ZHX2: variants seen among roughly 807,000 people sequenced by gnomAD.
ZHX2 encodes the protein zinc fingers and homeoboxes 2.
In ZHX2, 6 loss-of-function variants were observed where a neutral mutation model predicts 21.9. The ratio of observed to expected loss-of-function variants is 0.27; its 90% CI spans 0.15 to 0.54. The LOEUF is 0.54. Among genes scored for constraint, ZHX2 ranks in the 20% least tolerant of loss-of-function variants. The pLI, the probability that ZHX2 is intolerant of heterozygous loss-of-function variation, is 0.95. For missense variants in ZHX2, 908 were observed against 1,090.7 expected, an observed-to-expected ratio of 0.83 and a Z score of 2.36; for synonymous variants, 434 against 437.1, an observed-to-expected ratio of 0.99 and a Z score of 0.09.
At chr8:122,791,761 A>G (rs1214291140) in intron 1 of ZHX2, among the ~76,000 whole-genome samples, 1 of 151,894 alleles carries the variant, frequency 6.6e-6, no homozygotes, top group African/African-American at 2.4e-5. Flanking sequence ...GCTACTTGGG[A>G]GGCTGAGGCA....
upstream of ZHX2, chr8:122,780,575 G>A (rs1817256690): frequency 1.3e-5 from 2 of 152,262 alleles, no homozygotes; most frequent in Admixed American, 1.3e-4. Context: ...GAGCTCTTTA[G>A]CCGAGCACTG....
intron 2 of ZHX2, among the ~76,000 whole-genome samples, chr8:122,870,967 A>G (rs998172327): frequency 1.3e-5 from 2 of 152,226 alleles, no homozygotes; most frequent in African/African-American, 4.8e-5. Context: ...GGACAAAAGC[A>G]GAAAAAGTGG....
chr8:122,952,498 C>T lies in ZHX2; in HGVS notation c.988C>T (p.Arg330Trp). 1.2e-6 allele frequency: 2 copies of T among 1,614,090 alleles called. No homozygotes were observed. The highest frequency in any genetic ancestry group is 8.5e-7 in the Non-Finnish European group (1 of 1,180,010). ...GTCCCCAGAAGAGGTGGAGGAGGCCCGGAAGAAGATGTTCAACGGCACCAT... is the reference window on the plus strand; with the variant it reads ...GTCCCCAGAAGAGGTGGAGGAGGCCTGGAAGAAGATGTTCAACGGCACCAT... Reference protein sequence around the residue: ...SWSPEEVEEARKKMFNGTIQS... With the variant: ...SWSPEEVEEAWKKMFNGTIQS... The change falls in exon 3 of 4, where the codon CGG becomes TGG. Residue 330 changes from arginine to tryptophan, a missense_variant. This residue lies in a region of ZHX2 where 232 missense variants were observed against 361.8 expected (regional missense o/e 0.64). Transcript: ENST00000314393. This position sits in a 1 kb window ranked among gnomAD's most constrained non-coding sequence, Gnocchi z 6.9.
At chr8:122,958,249 C>T (rs1332344773) in intron 3 of ZHX2, among the ~76,000 whole-genome samples, 1 of 152,212 alleles carries the variant, frequency 6.6e-6, no homozygotes, top group Non-Finnish European at 1.5e-5. Flanking sequence ...AGGTTAGACA[C>T]AAAGATAAGG....
At chr8:122,874,196 A>G (rs982979004) in intron 2 of ZHX2, among the ~76,000 whole-genome samples, 2 of 152,154 alleles carry the variant, frequency 1.3e-5, no homozygotes, top group Non-Finnish European at 2.9e-5. Context: ...CCTCTTTGCC[A>G]TTTAACATAA....
chr8:122,821,371 G>A (rs1447308173), intron 1 of ZHX2, among the ~76,000 whole-genome samples: 1 of 152,176 alleles, frequency 6.6e-6, no homozygotes, highest in Non-Finnish European at 1.5e-5. Context: ...TCTGTGAGCA[G>A]GCTAAGCTAT....
chr8:122,955,751 A>C lies in ZHX2; in HGVS notation c.*4+1723A>C, dbSNP rs566861415. Among the ~76,000 whole-genome samples, 141 of 149,896 alleles carry C rather than the reference A, an allele frequency of 9.4e-4. 1 individual carries two copies. Among genetic ancestry groups the C allele is most frequent in the African/African-American group, 3.4e-3 (136 of 40,402 alleles). ...GAGGTCACAATGACAGCAACTTCCC[A>C]CCTCTACCTGGCCACCTCTGGCCAT... On this transcript the variant is annotated intron_variant, in intron 3 of 3. Coordinates refer to ENST00000314393, the MANE Select transcript of ZHX2 (RefSeq NM_014943.5).
intron 2 of ZHX2, among the ~76,000 whole-genome samples, chr8:122,905,908 G>A (rs1186367237): frequency 1.3e-5 from 2 of 152,194 alleles, no homozygotes; most frequent in East Asian, 3.9e-4. Flanking sequence ...GAAATGCTAG[G>A]CCACCCAGCT....
rs958461135 is a variant in ZHX2 at position 122,828,924 on chromosome 8, T to G, written c.-282-34553T>G. Among the ~76,000 whole-genome samples the G allele has an allele frequency of 2.0e-4, 31 of 152,172 alleles. No individual in the cohort carries two copies. Among genetic ancestry groups the G allele is most frequent in the African/African-American group, 7.0e-4 (29 of 41,442 alleles). On this transcript the variant is annotated intron_variant, in intron 1 of 3. Transcript: ENST00000314393. The surrounding 1 kb of genome is among the most constrained non-coding windows in gnomAD (Gnocchi z 5.2). ...ATTCATTTATTTATCCACTACAAAT[T>G]GAAGAAATTGATCTTTTTTTCAGTT...
At chr8:122,800,309 GC>G (rs534468572) in intron 1 of ZHX2, among the ~76,000 whole-genome samples, 161 of 152,278 alleles carry the variant, frequency 1.1e-3, no homozygotes, top group South Asian at 2.1e-3. Context: ...ATCCCATCCT[GC>G]CCTCTTCCCC....
intron 1 of ZHX2, among the ~76,000 whole-genome samples, chr8:122,791,866 T>TAA (rs5894644): frequency 0.018 from 2,435 of 135,046 alleles, 56 homozygotes; most frequent in African/African-American, 0.056. Flanking sequence ...CTCCATCTCA[T>TAA]AAAAAAAAAA....
chr8:122,963,964 G>T (rs926103927), intron 3 of ZHX2, among the ~76,000 whole-genome samples: 1 of 151,964 alleles, frequency 6.6e-6, no homozygotes, highest in Non-Finnish European at 1.5e-5. Flanking sequence ...GTTGCTATTG[G>T]TGTATGGTAG....
intron 2 of ZHX2, among the ~76,000 whole-genome samples, chr8:122,892,805 C>T (rs1820013510): frequency 6.6e-6 from 1 of 152,210 alleles, no homozygotes. Flanking sequence ...CTGCCTCAGC[C>T]TCCCGAGTAG....
At position 122,951,707 on chromosome 8, in the gene ZHX2, TGGGGGAAAGCCA is replaced by T. The variant is rs1475409765; in HGVS notation, c.199_210del (p.Gly67_Gln70del). The T allele has an allele frequency of 6.2e-7, 1 of 1,613,910 alleles. No homozygotes were observed. Among genetic ancestry groups the T allele is most frequent in the African/African-American group, 1.3e-5 (1 of 74,860 alleles). ...AACGAAGTGATAGAGGTGAAATCTATGGGGGAAAGCCAGTCCAAAAAACTCCAAGGTGGTTAT... is the reference window on the plus strand; with the variant it reads ...AACGAAGTGATAGAGGTGAAATCTATGTCCAAAAAACTCCAAGGTGGTTAT... On this transcript the variant is annotated inframe_deletion, in exon 3 of 4. Transcript: ENST00000314393.
intron 2 of ZHX2, among the ~76,000 whole-genome samples, chr8:122,873,582 T>A (rs1392724432): frequency 6.6e-6 from 1 of 152,202 alleles, no homozygotes; most frequent in Non-Finnish European, 1.5e-5. Flanking sequence ...CTTCAGGTGA[T>A]GCTCCCACTC....
At chr8:122,971,087 C>T (rs1014501109) in intron 3 of ZHX2, among the ~76,000 whole-genome samples, 2 of 152,274 alleles carry the variant, frequency 1.3e-5, no homozygotes. Context: ...TCCATTTCTT[C>T]GCTATGAAGT....
intron 1 of ZHX2, among the ~76,000 whole-genome samples, chr8:122,832,691 C>A (rs1818404004): frequency 6.6e-6 from 1 of 152,044 alleles, no homozygotes; most frequent in Non-Finnish European, 1.5e-5. Context: ...TCCTGCTAGT[C>A]CTAGAAAAGA....
In ZHX2 at chr8:122,833,443, T is replaced by C. The variant is rs1006841144; in HGVS notation, c.-282-30034T>C. ...AGGAACTGGGTGGGCTCTTTAACAG[T>C]AATGCGGACGGGGGTGTGGTGTTCT... On this transcript the variant is annotated intron_variant, in intron 1 of 3. Coordinates refer to ENST00000314393, the MANE Select transcript of ZHX2 (RefSeq NM_014943.5). Among the ~76,000 whole-genome samples, 4 of 152,216 alleles carry C rather than the reference T, an allele frequency of 2.6e-5. No individual in the cohort carries two copies. The South Asian group carries it at 8.3e-4, about 32-fold the overall frequency.
At chr8:122,969,733 A>T (rs1319690660) in intron 3 of ZHX2, among the ~76,000 whole-genome samples, 2 of 152,124 alleles carry the variant, frequency 1.3e-5, no homozygotes, top group Non-Finnish European at 2.9e-5. Context: ...CCTCTCAAAA[A>T]AAATGTTATG....
Sources: gnomAD v4.1 joint callset for allele counts (sites outside exome capture counted in the v4.1 genomes callset) on GRCh38, gnomAD v4.1.1 for gene constraint, gnomAD v4.1.1 regional missense constraint, Gnocchi (gnomAD v3.1) non-coding constraint, MANE v1.5 for transcripts, NCBI Gene and HGNC (gene_info 2026-07-23, HGNC 2026-07-21) for gene names.